CYP4F12: variants seen among roughly 807,000 people sequenced by gnomAD.
CYP4F12 encodes cytochrome P450 family 4 subfamily F member 12, also known as cytochrome P450 4F12.
In CYP4F12, 60 loss-of-function variants were observed where a neutral mutation model predicts 56.5. That is an observed-to-expected ratio of 1.06 (90% confidence interval 0.86 to 1.32). The LOEUF (loss-of-function observed/expected upper bound fraction) is 1.32, where lower values mean the gene tolerates loss of function less well. Among genes scored for constraint, CYP4F12 ranks in the 40% most tolerant of loss-of-function variants. The pLI, the probability that CYP4F12 is intolerant of heterozygous loss-of-function variation, is 0.00. For missense variants in CYP4F12, 711 were observed against 683.5 expected, an observed-to-expected ratio of 1.04 and a Z score of -0.45; for synonymous variants, 263 against 264.9, an observed-to-expected ratio of 0.99 and a Z score of 0.07.
intron 10 of CYP4F12, 27 bp from the exon 11 acceptor site, chr19:15,696,134 T>A (rs368762008): frequency 1.2e-6 from 2 of 1,612,678 alleles, no homozygotes; most frequent in Non-Finnish European, 1.7e-6. Context: ...GGGATCCTTG[T>A]CCTGACTGCC....
intron 9 of CYP4F12, among the ~76,000 whole-genome samples, chr19:15,687,121 T>A (rs1303615140): frequency 6.6e-6 from 1 of 151,936 alleles, no homozygotes; most frequent in Non-Finnish European, 1.5e-5. Flanking sequence ...ACTAAAAGTA[T>A]AAAAAATTAG....
Position 15,678,408 on chromosome 19 carries a change from A to G in CYP4F12, c.343+3A>G. On this transcript the variant is annotated splice_donor_region_variant and intron_variant, in intron 3 of 12. Coordinates refer to ENST00000550308, the MANE Select transcript of CYP4F12 (RefSeq NM_023944.4). ...CCGGTCTATCACCAATGCCTCAGGT[A>G]CCCATGCAGAGCTTGTGGTGGTGGG... is the stretch of plus-strand genomic sequence containing the variant. 6.2e-7 allele frequency: 1 copy of G among 1,614,062 alleles called. No homozygotes were observed. The highest frequency in any genetic ancestry group is 8.5e-7 in the Non-Finnish European group (1 of 1,179,948).
In CYP4F12 at chr19:15,696,200, ACC is replaced by A; in HGVS notation, c.1291_1292del (p.Pro431AsnfsTer7). ...ATCGATATTATAGGGGTCCATCACA[ACC>A]CAACTGTGTGGCCGGATCCTGAGGT... is the stretch of plus-strand genomic sequence containing the variant. On this transcript the variant is annotated frameshift_variant, in exon 11 of 13. Transcript: ENST00000550308. LOFTEE classifies it high-confidence loss of function. The A allele has an allele frequency of 6.2e-7, 1 of 1,613,868 alleles. No homozygotes were observed. Among genetic ancestry groups the A allele is most frequent in the Non-Finnish European group, 8.5e-7 (1 of 1,179,948 alleles).
intron 8 of CYP4F12, 22 bp downstream of exon 8, chr19:15,684,904 T>C (rs1276042389): frequency 8.2e-6 from 13 of 1,588,822 alleles, no homozygotes; most frequent in Non-Finnish European, 1.1e-5. Context: ...AGTGTGGGAC[T>C]ACAGTGGAGA....
In CYP4F12 at chr19:15,678,330, G is replaced by A. The variant is rs609290; in HGVS notation, c.268G>A (p.Val90Ile). ...GGCCACCTATTCCCAGGGCTTTACG[G>A]TATGGCTGGGTCCCATCATCCCCTT... ...MSATYSQGFT[V>I]WLGPIIPFIV... Residue 90 changes from valine (V) to isoleucine (I), a missense_variant, in exon 3 of 13, where the codon GTA (valine) becomes ATA (isoleucine). Physicochemically the swap from Val to Ile is conservative, Grantham distance 29. Transcript: ENST00000550308. 106,301 of 1,614,086 alleles carry A rather than the reference G, an allele frequency of 0.066. 3,909 individuals are homozygous for A. Among genetic ancestry groups the A allele is most frequent in the African/African-American group, 0.099 (7,447 of 74,978 alleles).
chr19:15,673,569 G>C lies in CYP4F12; in HGVS notation c.40G>C (p.Val14Leu). Residue 14 changes from valine (V) to leucine (L), a missense_variant, in exon 2 of 13, where the codon GTG (valine) becomes CTG (leucine). Coordinates refer to ENST00000550308, the MANE Select transcript of CYP4F12 (RefSeq NM_023944.4). Reference sequence around the variant, plus strand: ...CCTGCCCTGGCTGGGCCTCAGACCGGTGGCAACGTCCCCATGGCTACTCCT... The same window carrying C: ...CCTGCCCTGGCTGGGCCTCAGACCGCTGGCAACGTCCCCATGGCTACTCCT... Reference protein sequence around the residue: ...LSLPWLGLRPVATSPWLLLLL... With the variant: ...LSLPWLGLRPLATSPWLLLLL... 6.2e-7 allele frequency: 1 copy of C among 1,614,102 alleles called. No individual in the cohort carries two copies. The highest frequency in any genetic ancestry group is 8.5e-7 in the Non-Finnish European group (1 of 1,180,022).
intron 12 of CYP4F12, 133 bp from the exon 13 acceptor site, chr19:15,696,772 CCCA>C: frequency 8.0e-7 from 1 of 1,255,114 alleles, no homozygotes; most frequent in South Asian, 1.6e-5. Flanking sequence ...ACATGGGAGT[CCCA>C]GGCACGCTTA....
At chr19:15,678,573 G>A in intron 3 of CYP4F12, 168 bp downstream of exon 3, 1 of 944,340 alleles carries the variant, frequency 1.1e-6, no homozygotes, top group Non-Finnish European at 1.6e-6. Context: ...GGGCACCACT[G>A]GGGCTCCAAG....
At chr19:15,678,154 C>A (rs1264084205) in intron 2 of CYP4F12, 107 bp from the exon 3 acceptor site, 2 of 1,409,072 alleles carry the variant, frequency 1.4e-6, no homozygotes, top group Non-Finnish European at 2.0e-6. Context: ...CTCACAGACA[C>A]ACACAGCAAT....
chr19:15,683,888 G>A, intron 7 of CYP4F12, 125 bp downstream of exon 7: 1 of 1,293,962 alleles, frequency 7.7e-7, no homozygotes, highest in Non-Finnish European at 1.0e-6. Flanking sequence ...GAAAGGGAAG[G>A]TCACAGATAG....
chr19:15,682,592 C>T, intron 6 of CYP4F12, 82 bp downstream of exon 6: 2 of 1,582,146 alleles, frequency 1.3e-6, no homozygotes, highest in Non-Finnish European at 1.7e-6. Context: ...GCAAAGTAAC[C>T]AGAAGTACCT....
intron 9 of CYP4F12, among the ~76,000 whole-genome samples, chr19:15,691,737 C>CT (rs1248109277): frequency 1.3e-5 from 2 of 150,206 alleles, no homozygotes; most frequent in South Asian, 2.1e-4. Context: ...TGCCTTTTGA[C>CT]TTTTTTGGGG....
Position 15,673,642 on chromosome 19 carries a change from C to T in CYP4F12, c.113C>T (p.Thr38Ile), listed in dbSNP as rs1258282307. Residue 38 changes from threonine to isoleucine, a missense_variant, in exon 2 of 13, where the codon ACC (threonine) becomes ATC (isoleucine). Thr to Ile is a moderately conservative substitution (Grantham distance 89). Coordinates refer to ENST00000550308, the MANE Select transcript of CYP4F12 (RefSeq NM_023944.4). The stretch of plus-strand genomic sequence containing the variant: ...CTACTCGCCCGCATCCTGGCTTGGA[C>T]CTATGCCTTCTATAACAACTGCCGC... ...SWLLARILAW[T>I]YAFYNNCRRL... 1.2e-6 allele frequency: 2 copies of T among 1,614,156 alleles called. No homozygotes were observed. The highest frequency in any genetic ancestry group is 2.2e-5 in the South Asian group (2 of 91,082).
At chr19:15,677,758 G>T (rs1424682897) in intron 2 of CYP4F12, among the ~76,000 whole-genome samples, 4 of 11,714 alleles carry the variant, frequency 3.4e-4, no homozygotes, top group Non-Finnish European at 5.9e-4. Flanking sequence ...CTCTACCCAT[G>T]CACTCATTCT....
intron 12 of CYP4F12, 48 bp downstream of exon 12, chr19:15,696,560 A>G: frequency 6.4e-7 from 1 of 1,574,188 alleles, no homozygotes; most frequent in Non-Finnish European, 8.6e-7. Context: ...TGGGTGCGGG[A>G]GTTAAAAAAA....
chr19:15,695,502 AT>A (rs1166670634), intron 9 of CYP4F12, among the ~76,000 whole-genome samples: 6,062 of 99,844 alleles, frequency 0.061, 452 homozygotes, highest in African/African-American at 0.21. Context: ...TATAATAATA[AT>A]AAAAAAAAAA....
intron 2 of CYP4F12, 87 bp from the exon 3 acceptor site, chr19:15,678,170 TTGAC>T: frequency 4.0e-6 from 6 of 1,512,838 alleles, no homozygotes; most frequent in Non-Finnish European, 5.5e-6. Flanking sequence ...GCAATAATGT[TTGAC>T]TGGCTATCTG....
intron 9 of CYP4F12, among the ~76,000 whole-genome samples, chr19:15,686,852 G>A (rs2007631261): frequency 6.6e-6 from 1 of 152,208 alleles, no homozygotes; most frequent in South Asian, 2.1e-4. Context: ...CTGGACATGT[G>A]TTTTGGAGGC....
At chr19:15,693,107 T>C (rs1012857664) in intron 9 of CYP4F12, among the ~76,000 whole-genome samples, 1 of 152,070 alleles carries the variant, frequency 6.6e-6, no homozygotes, top group Non-Finnish European at 1.5e-5. Flanking sequence ...GAATAGTGTC[T>C]ACAGTAGATG....
Sources: gnomAD v4.1 joint callset for allele counts (sites outside exome capture counted in the v4.1 genomes callset) on GRCh38, gnomAD v4.1.1 for gene constraint, MANE v1.5 for transcripts, NCBI Gene and HGNC (gene_info 2026-07-23, HGNC 2026-07-21) for gene names.